The following FAM25A variants were observed in gnomAD, a reference collection of about 807,000 sequenced individuals.
The protein encoded by FAM25A is protein FAM25A.
A neutral mutation model predicts 6.6 loss-of-function variants in FAM25A; 5 were observed. That is an observed-to-expected ratio of 0.75 (90% CI 0.39 to 1.59). The LOEUF is 1.59. Ranked by LOEUF, FAM25A falls within the 40% of genes most tolerant of loss-of-function variation. The pLI is 0.02. For synonymous variants in FAM25A, 36 were observed against 41.3 expected, an observed-to-expected ratio of 0.87 and a Z score of 0.49; for missense variants, 93 against 109.7, an observed-to-expected ratio of 0.85 and a Z score of 0.68.
At chr10:87,021,290 G>C (rs1845327629) in intron 1 of FAM25A, among the ~76,000 whole-genome samples, 1 of 152,196 alleles carries the variant, frequency 6.6e-6, no homozygotes, top group African/African-American at 2.4e-5. Context: ...AGCTGGTGTG[G>C]ACCACCTGCT....
chr10:87,021,874 C>A (rs1461587462), intron 1 of FAM25A, among the ~76,000 whole-genome samples: 3 of 152,236 alleles, frequency 2.0e-5, no homozygotes, highest in African/African-American at 7.2e-5. Context: ...GCTTTGGAAA[C>A]CAACCTGAGG....
chr10:87,022,913 T>G (rs4081144), intron 2 of FAM25A, among the ~76,000 whole-genome samples: 1 of 136,422 alleles, frequency 7.3e-6, no homozygotes, highest in African/African-American at 2.8e-5. Flanking sequence ...GGCTACAGAG[T>G]GAGACTCGGT....
At position 87,022,019 on chromosome 10, in the gene FAM25A, C is replaced by A. The variant is rs546441621; in HGVS notation, c.74-295C>A. On this transcript the variant is annotated intron_variant, in intron 1 of 2. Transcript: ENST00000343959. Reference sequence around the variant, plus strand: ...GGCCAAGGGGCTTCAGGGACCCATGCCCTCATGGGGCTCACTGAGCTCGTC... The same window carrying A: ...GGCCAAGGGGCTTCAGGGACCCATGACCTCATGGGGCTCACTGAGCTCGTC... 2.0e-5 allele frequency among the ~76,000 whole-genome samples: 3 copies of A among 152,322 alleles called. No individual in the cohort carries two copies. In the South Asian group the frequency reaches 6.2e-4, roughly 32 times the overall value.
chr10:87,020,431 G>T, intron 1 of FAM25A, 34 bp downstream of exon 1: 1 of 1,547,692 alleles, frequency 6.5e-7, no homozygotes, highest in Non-Finnish European at 8.7e-7. Context: ...ACCTGGGCTG[G>T]GGGGATCTGG....
intron 1 of FAM25A, among the ~76,000 whole-genome samples, chr10:87,020,819 G>GTTTATT (rs1181944039): frequency 3.9e-5 from 6 of 152,154 alleles, no homozygotes; most frequent in African/African-American, 9.7e-5. Context: ...CCTGAAGCAT[G>GTTTATT]TTTATTTTTA....
intron 2 of FAM25A, among the ~76,000 whole-genome samples, chr10:87,023,842 T>A (rs1845354189): frequency 1.3e-5 from 2 of 151,408 alleles, no homozygotes; most frequent in South Asian, 4.2e-4. Flanking sequence ...GGTGAGGGAG[T>A]CTTTCTGGTT....
chr10:87,024,609 G>C lies in FAM25A; in HGVS notation c.205G>C (p.Val69Leu). Residue 69 changes from valine to leucine, a missense_variant, in exon 3 of 3, where the codon GTG becomes CTG. Coordinates refer to ENST00000343959, the MANE Select transcript of FAM25A (RefSeq NM_001146157.3). ...DKKMKEITETVTNTVTNAITH... is the reference protein window; with the variant it reads ...DKKMKEITETLTNTVTNAITH... ...AAAGATGAAGGAAATCACTGAGACAGTGACCAACACAGTCACAAATGCCAT... is the reference window on the plus strand; with the variant it reads ...AAAGATGAAGGAAATCACTGAGACACTGACCAACACAGTCACAAATGCCAT... 6.5e-7 allele frequency: 1 copy of C among 1,535,802 alleles called. No homozygotes were observed. Among genetic ancestry groups the C allele is most frequent in the East Asian group, 2.4e-5 (1 of 40,914 alleles).
intron 1 of FAM25A, among the ~76,000 whole-genome samples, 181 bp from the exon 2 acceptor site, chr10:87,022,133 G>T (rs201946899): frequency 6.6e-6 from 1 of 152,066 alleles, no homozygotes; most frequent in Non-Finnish European, 1.5e-5. Flanking sequence ...GGCTGGGGGT[G>T]GCATCCCAGA....
chr10:87,021,358 G>A (rs7100043), intron 1 of FAM25A, among the ~76,000 whole-genome samples: 50,001 of 152,132 alleles, frequency 0.33, 9,200 homozygotes, highest in African/African-American at 0.48. Flanking sequence ...AAAGCTGAGT[G>A]TTGGGAGAGA....
chr10:87,021,603 CTCTT>C (rs1589338053), intron 1 of FAM25A, among the ~76,000 whole-genome samples: 1 of 152,252 alleles, frequency 6.6e-6, no homozygotes, highest in Admixed American at 6.5e-5. Flanking sequence ...CTCAAACTGT[CTCTT>C]TCTCATTCCT....
intron 1 of FAM25A, among the ~76,000 whole-genome samples, chr10:87,020,778 A>G (rs1845323321): frequency 6.6e-6 from 1 of 152,230 alleles, no homozygotes. Flanking sequence ...GTTCAAAGTC[A>G]AAAAGGGCAT....
chr10:87,020,313 T>A lies in FAM25A; in HGVS notation c.-12T>A, dbSNP rs771948323. On this transcript the variant is annotated 5_prime_UTR_variant, in exon 1 of 3. Coordinates refer to ENST00000343959, the MANE Select transcript of FAM25A (RefSeq NM_001146157.3). ...CTCAGCATCCTAGTTCACCACTGTCTGCTGCCACACGATGCTGGGAGGCCT... is the reference window on the plus strand; with the variant it reads ...CTCAGCATCCTAGTTCACCACTGTCAGCTGCCACACGATGCTGGGAGGCCT... 2 of 1,549,544 alleles carry A rather than the reference T, an allele frequency of 1.3e-6. No homozygotes were observed. Among genetic ancestry groups the A allele is most frequent in the Admixed American group, 2.0e-5 (1 of 51,000 alleles).
At chr10:87,023,549 C>T (rs1354893553) in intron 2 of FAM25A, among the ~76,000 whole-genome samples, 2 of 152,050 alleles carry the variant, frequency 1.3e-5, no homozygotes, top group Non-Finnish European at 2.9e-5. Context: ...GGTGAAACCC[C>T]GTTGCTACTA....
intron 1 of FAM25A, 59 bp from the exon 2 acceptor site, chr10:87,022,255 A>T: frequency 2.6e-6 from 4 of 1,544,256 alleles, no homozygotes; most frequent in Non-Finnish European, 3.5e-6. Flanking sequence ...CTCACCCTGG[A>T]CTGGGAGGGC....
At chr10:87,020,818 T>C (rs1319800778) in intron 1 of FAM25A, among the ~76,000 whole-genome samples, 1 of 152,116 alleles carries the variant, frequency 6.6e-6, no homozygotes, top group Non-Finnish European at 1.5e-5. Context: ...CCCTGAAGCA[T>C]GTTTATTTTT....
rs560465733 is a variant in FAM25A, at chr10:87,024,487, A to T, written c.137-54A>T. 6.5e-5 allele frequency: 100 copies of T among 1,535,790 alleles called. No individual in the cohort carries two copies. In the African/African-American group the frequency reaches 1.1e-3, roughly 17 times the overall value. On this transcript the variant is annotated intron_variant, in intron 2 of 2. Coordinates refer to ENST00000343959, the MANE Select transcript of FAM25A (RefSeq NM_001146157.3). Reference sequence around the variant, plus strand: ...CACATCCCACAGGCCACTCAAGGGGACACAAGTTCAGCGGGTGGATCACTA... The same window carrying T: ...CACATCCCACAGGCCACTCAAGGGGTCACAAGTTCAGCGGGTGGATCACTA...
At chr10:87,021,858 G>C (rs1474829002) in intron 1 of FAM25A, among the ~76,000 whole-genome samples, 1 of 152,258 alleles carries the variant, frequency 6.6e-6, no homozygotes, top group Non-Finnish European at 1.5e-5. Flanking sequence ...GGTTTTACTG[G>C]ATGAGGCTTT....
chr10:87,020,439 T>C (rs1199034778), intron 1 of FAM25A, 42 bp downstream of exon 1: 4 of 1,545,410 alleles, frequency 2.6e-6, no homozygotes, highest in Admixed American at 2.0e-5. Flanking sequence ...TGGGGGGATC[T>C]GGGGCAGACT....
intron 2 of FAM25A, among the ~76,000 whole-genome samples, chr10:87,022,853 G>T (rs1168096383): frequency 6.6e-6 from 1 of 151,482 alleles, no homozygotes; most frequent in Non-Finnish European, 1.5e-5. Context: ...TGTGTACCTG[G>T]GAGGCAGAGC....
Sources: allele counts gnomAD v4.1 joint callset (sites outside exome capture counted in the v4.1 genomes callset), GRCh38; gene constraint gnomAD v4.1.1; transcripts MANE v1.5; gene names NCBI Gene and HGNC (gene_info 2026-07-23, HGNC 2026-07-21).